Variants in DLGAP1 observed in about 807,000 individuals in gnomAD.
The protein encoded by DLGAP1 is disks large-associated protein 1.
A neutral mutation model predicts 90.8 loss-of-function variants in DLGAP1; 11 were observed. The observed-to-expected ratio is 0.12, with a 90% CI of 0.08 to 0.20. DLGAP1 has a LOEUF of 0.20. Among genes scored for constraint, DLGAP1 ranks in the 10% least tolerant of loss-of-function variants. The pLI is 1.00. For synonymous variants in DLGAP1, 558 were observed against 540.7 expected (o/e 1.03, Z -0.44); for missense variants, 1,050 against 1,333.8 (o/e 0.79, Z 3.31).
chr18:4,094,607 C>CTTTT (rs35060422), intron 2 of DLGAP1, among the ~76,000 whole-genome samples: 14 of 124,832 alleles, frequency 1.1e-4, no homozygotes, highest in East Asian at 2.2e-4. Context: ...CTTTCTCTTT[C>CTTTT]TTTTTTTTTT....
At chr18:4,261,318 C>G (rs1161222502) in intron 1 of DLGAP1, among the ~76,000 whole-genome samples, 2 of 149,932 alleles carry the variant, frequency 1.3e-5, no homozygotes. Context: ...GCACTCACAG[C>G]CTCCAGTGAC....
At chr18:3,521,147 TCAA>T (rs2051161459) in intron 10 of DLGAP1, among the ~76,000 whole-genome samples, 2 of 152,160 alleles carry the variant, frequency 1.3e-5, no homozygotes, top group Admixed American at 6.5e-5. Flanking sequence ...AACCACTAGC[TCAA>T]CACCTCCTGT....
chr18:3,772,332 T>TTCTC (rs10532577), intron 5 of DLGAP1, among the ~76,000 whole-genome samples: 1 of 93,976 alleles, frequency 1.1e-5, no homozygotes, highest in Non-Finnish European at 2.0e-5. Flanking sequence ...CTTTCTCTCC[T>TTCTC]TCTCTCTCTC....
chr18:4,202,043 T>A (rs2077618004), intron 1 of DLGAP1, among the ~76,000 whole-genome samples: 2 of 152,086 alleles, frequency 1.3e-5, no homozygotes, highest in Non-Finnish European at 2.9e-5. Flanking sequence ...TGCAGCATAA[T>A]TCATAATTGC....
intron 1 of DLGAP1, among the ~76,000 whole-genome samples, chr18:4,263,238 CTAT>C (rs781006605): frequency 1.3e-5 from 2 of 152,144 alleles, no homozygotes; most frequent in African/African-American, 2.4e-5. Context: ...GGCCTGCCTT[CTAT>C]TATTATACCA....
chr18:4,336,098 T>C (rs1259637337), intron 1 of DLGAP1, among the ~76,000 whole-genome samples: 2 of 152,216 alleles, frequency 1.3e-5, no homozygotes, highest in African/African-American at 2.4e-5. Context: ...CATACTGCAG[T>C]ACGTCTATTA....
intron 2 of DLGAP1, among the ~76,000 whole-genome samples, chr18:4,070,056 C>T (rs2075424912): frequency 6.6e-6 from 1 of 151,792 alleles, no homozygotes; most frequent in African/African-American, 2.4e-5. Flanking sequence ...GATCTCATCT[C>T]ACTGAAACCT....
At chr18:4,257,046 C>T (rs1000105008) in intron 1 of DLGAP1, among the ~76,000 whole-genome samples, 3 of 152,092 alleles carry the variant, frequency 2.0e-5, no homozygotes, top group Non-Finnish European at 2.9e-5. Context: ...AATGTTAGCA[C>T]GTGTACTCAC....
chr18:3,825,708 GA>G (rs779320733), intron 4 of DLGAP1, among the ~76,000 whole-genome samples: 2 of 151,942 alleles, frequency 1.3e-5, no homozygotes, highest in Admixed American at 6.6e-5. Context: ...CACAGGCAGA[GA>G]AAAAAATCTC....
intron 3 of DLGAP1, among the ~76,000 whole-genome samples, chr18:3,943,810 G>A (rs908472458): frequency 1.4e-4 from 21 of 152,082 alleles, no homozygotes; most frequent in African/African-American, 5.1e-4. Context: ...TTCAGATGAG[G>A]TCCTATGGGT....
intron 5 of DLGAP1, among the ~76,000 whole-genome samples, chr18:3,758,344 G>A (rs543976871): frequency 6.6e-6 from 1 of 152,136 alleles, no homozygotes; most frequent in East Asian, 1.9e-4. Context: ...TAAACTCTTG[G>A]GATTCAGTTT....
At chr18:4,242,965 A>C (rs1207800263) in intron 1 of DLGAP1, among the ~76,000 whole-genome samples, 1 of 152,164 alleles carries the variant, frequency 6.6e-6, no homozygotes, top group Non-Finnish European at 1.5e-5. Context: ...ATGCACTGAC[A>C]CAAAGTGGCC....
At chr18:3,522,211 A>G (rs1336112980) in intron 10 of DLGAP1, among the ~76,000 whole-genome samples, 2 of 138,574 alleles carry the variant, frequency 1.4e-5, no homozygotes, top group Non-Finnish European at 3.0e-5. Flanking sequence ...ATGTCGGCTC[A>G]CTGCAACCTC....
At chr18:3,909,827 T>C (rs914152165) in intron 3 of DLGAP1, among the ~76,000 whole-genome samples, 19 of 152,172 alleles carry the variant, frequency 1.2e-4, no homozygotes, top group African/African-American at 1.9e-4. Flanking sequence ...GAAAACTCCA[T>C]ATTAGATTAT....
intron 2 of DLGAP1, among the ~76,000 whole-genome samples, chr18:4,074,276 A>G (rs951399737): frequency 6.6e-6 from 1 of 152,060 alleles, no homozygotes; most frequent in Non-Finnish European, 1.5e-5. Context: ...GGATGGATAT[A>G]TTATTTCTTA....
chr18:4,157,844 G>T (rs2076782451), intron 1 of DLGAP1, among the ~76,000 whole-genome samples: 1 of 152,298 alleles, frequency 6.6e-6, no homozygotes, highest in African/African-American at 2.4e-5. Context: ...GCAGCCCCAA[G>T]ACGCCATGCT....
chr18:3,687,046 C>T (rs1000543123), intron 7 of DLGAP1, among the ~76,000 whole-genome samples: 1 of 152,040 alleles, frequency 6.6e-6, no homozygotes, highest in African/African-American at 2.4e-5. Flanking sequence ...GGCCAACAGC[C>T]AAGGAATGTG....
chr18:3,956,946 T>A (rs897010338), intron 3 of DLGAP1, among the ~76,000 whole-genome samples: 1 of 152,118 alleles, frequency 6.6e-6, no homozygotes, highest in Admixed American at 6.5e-5. Flanking sequence ...GCCACCACAC[T>A]CTGCCAACAT....
At chr18:4,420,338 C>T (rs2082999791) in intron 1 of DLGAP1, among the ~76,000 whole-genome samples, 1 of 152,172 alleles carries the variant, frequency 6.6e-6, no homozygotes, top group African/African-American at 2.4e-5. Flanking sequence ...GCATAATTCA[C>T]ATTTATAGAC....
Sources: gnomAD v4.1 joint callset for allele counts (sites outside exome capture counted in the v4.1 genomes callset) on GRCh38, gnomAD v4.1.1 for gene constraint, MANE v1.5 for transcripts, NCBI Gene and HGNC (gene_info 2026-07-23, HGNC 2026-07-21) for gene names.